Variants in UNC13C observed in about 807,000 individuals in gnomAD.
UNC13C encodes the protein unc-13 homolog C.
In UNC13C, 174 loss-of-function variants were observed where a neutral mutation model predicts 245.4. That is an observed-to-expected ratio of 0.71 (90% CI 0.63 to 0.80). The LOEUF is 0.80. Ranked by LOEUF, UNC13C falls within the 30% of genes least tolerant of loss-of-function variation. The pLI, the probability that UNC13C is intolerant of heterozygous loss-of-function variation, is 0.00. For missense variants in UNC13C, 2,829 were observed against 2,602.9 expected (o/e 1.09, Z -1.89); for synonymous variants, 992 against 895.1 (o/e 1.11, Z -1.93).
At chr15:54,504,884 C>T (rs1894396534) in intron 22 of UNC13C, among the ~76,000 whole-genome samples, 1 of 152,154 alleles carries the variant, frequency 6.6e-6, no homozygotes, top group African/African-American at 2.4e-5. Context: ...CAGAAAAACA[C>T]AATGCCTTTG....
intron 29 of UNC13C, among the ~76,000 whole-genome samples, chr15:54,556,814 C>T (rs957166883): frequency 3.3e-5 from 5 of 151,914 alleles, no homozygotes; most frequent in African/African-American, 1.2e-4. Flanking sequence ...CATCTGAATT[C>T]AACTCTTCAT....
intron 29 of UNC13C, among the ~76,000 whole-genome samples, chr15:54,562,213 G>C (rs146832288): frequency 6.6e-6 from 1 of 151,994 alleles, no homozygotes; most frequent in African/African-American, 2.4e-5. Context: ...AAGAACTCCA[G>C]CATTCACATA....
At chr15:54,111,717 T>G (rs1900784470) in intron 2 of UNC13C, among the ~76,000 whole-genome samples, 1 of 152,158 alleles carries the variant, frequency 6.6e-6, no homozygotes, top group Non-Finnish European at 1.5e-5. Context: ...ATCAAAGGAT[T>G]GCATGATTTG....
intron 18 of UNC13C, among the ~76,000 whole-genome samples, chr15:54,396,627 T>A (rs1321758911): frequency 6.6e-6 from 1 of 151,556 alleles, no homozygotes; most frequent in Non-Finnish European, 1.5e-5. Flanking sequence ...ACGTGGTAAG[T>A]ATGTACTTAA....
upstream of UNC13C, among the ~76,000 whole-genome samples, chr15:53,977,514 G>A (rs1228880406): frequency 3.9e-5 from 6 of 152,078 alleles, no homozygotes; most frequent in African/African-American, 9.7e-5. Context: ...GCTAGTTGAC[G>A]TTCTTCAGTC....
the UNC13C span, among the ~76,000 whole-genome samples, chr15:53,861,953 G>A: frequency 6.6e-6 from 1 of 152,082 alleles, no homozygotes; most frequent in Admixed American, 6.6e-5. Flanking sequence ...GTTGCTACTA[G>A]CCAGTGTATC....
the UNC13C span, among the ~76,000 whole-genome samples, chr15:53,949,447 T>C: frequency 5.3e-5 from 8 of 152,230 alleles, no homozygotes; most frequent in Non-Finnish European, 1.0e-4. Context: ...ATAAGAAAAC[T>C]ACAAGTTATC....
chr15:54,056,304 G>A (rs1897518509), intron 2 of UNC13C, among the ~76,000 whole-genome samples: 1 of 152,116 alleles, frequency 6.6e-6, no homozygotes, highest in East Asian at 1.9e-4. Flanking sequence ...CGAGACCTAC[G>A]TGACGAATGC....
intron 19 of UNC13C, among the ~76,000 whole-genome samples, chr15:54,454,936 A>G (rs576071941): frequency 5.9e-5 from 9 of 151,780 alleles, no homozygotes; most frequent in Non-Finnish European, 1.2e-4. Flanking sequence ...TATACACTAC[A>G]CCAAAACTGT....
At chr15:54,184,544 T>C (rs185827350) in intron 4 of UNC13C, among the ~76,000 whole-genome samples, 1 of 152,142 alleles carries the variant, frequency 6.6e-6, no homozygotes, top group Non-Finnish European at 1.5e-5. Context: ...TGCGATAGTT[T>C]GCTGAGAATG....
intron 10 of UNC13C, among the ~76,000 whole-genome samples, chr15:54,281,374 A>G (rs998816434): frequency 6.6e-6 from 1 of 152,202 alleles, no homozygotes; most frequent in Non-Finnish European, 1.5e-5. Flanking sequence ...AAATGCTAAG[A>G]TCTTTCAGAA....
rs1314366047 is a variant in UNC13C at position 54,014,542 on chromosome 15, A to T, written c.1639A>T (p.Ser547Cys). ...GAGTGATTTTTTCACTGCTAAACTT[A>T]GTCGTTCTGAATCAGATTTTTCCAA... ...SQSDFFTAKL[S>C]RSESDFSKLC... The change falls in exon 2 of 33, where the codon AGT becomes TGT. Residue 547 changes from serine to cysteine, a missense_variant. By Grantham distance (112) the Ser-to-Cys change is moderately radical (BLOSUM62 -1). Coordinates refer to ENST00000260323, the MANE Select transcript of UNC13C (RefSeq NM_001080534.3). The T allele has an allele frequency of 1.2e-6, 2 of 1,613,860 alleles. No individual in the cohort carries two copies. The highest frequency in any genetic ancestry group is 1.7e-5 in the Admixed American group (1 of 59,958).
intron 30 of UNC13C, among the ~76,000 whole-genome samples, chr15:54,614,657 C>A (rs1270579601): frequency 6.6e-6 from 1 of 151,932 alleles, no homozygotes; most frequent in African/African-American, 2.4e-5. Context: ...CTGTCTCCCT[C>A]ATAACTAGGT....
At chr15:54,228,588 T>C (rs2035461470) in intron 4 of UNC13C, among the ~76,000 whole-genome samples, 1 of 152,150 alleles carries the variant, frequency 6.6e-6, no homozygotes, top group South Asian at 2.1e-4. Flanking sequence ...CTGCCAGGAC[T>C]GGATTCTTCC....
intron 2 of UNC13C, among the ~76,000 whole-genome samples, chr15:54,111,005 C>A (rs776065365): frequency 6.6e-6 from 1 of 152,248 alleles, no homozygotes; most frequent in Non-Finnish European, 1.5e-5. Context: ...CAGTCGATTA[C>A]TCTTATTCTT....
chr15:54,555,342 G>T (rs1897042375), intron 28 of UNC13C, 90 bp from the exon 29 acceptor site: 2 of 946,854 alleles, frequency 2.1e-6, no homozygotes, highest in African/African-American at 1.6e-5. Flanking sequence ...AGGAAGTTTG[G>T]CATATGGGGA....
chr15:53,909,304 T>C, the UNC13C span, among the ~76,000 whole-genome samples: 1 of 146,900 alleles, frequency 6.8e-6, no homozygotes, highest in Non-Finnish European at 1.5e-5. Context: ...ATGGAGATTT[T>C]ATTCCATATC....
intron 2 of UNC13C, among the ~76,000 whole-genome samples, chr15:54,061,601 G>T (rs1897838571): frequency 6.6e-6 from 1 of 152,110 alleles, no homozygotes; most frequent in African/African-American, 2.4e-5. Context: ...GGTACAGCAA[G>T]CCCTTTTAGG....
chr15:54,147,856 A>G (rs1396783399), intron 4 of UNC13C, among the ~76,000 whole-genome samples: 1 of 151,586 alleles, frequency 6.6e-6, no homozygotes, highest in East Asian at 1.9e-4. Flanking sequence ...ATGCACCACA[A>G]TTTGGGCAAG....
Sources: gnomAD v4.1 joint callset for allele counts (sites outside exome capture counted in the v4.1 genomes callset) on GRCh38, gnomAD v4.1.1 for gene constraint, MANE v1.5 for transcripts, NCBI Gene and HGNC (gene_info 2026-07-23, HGNC 2026-07-21) for gene names.